CRPPA: variants seen among roughly 807,000 people sequenced by gnomAD.
The protein encoded by CRPPA is CDP-L-ribitol pyrophosphorylase A.
In CRPPA, 43 loss-of-function variants were observed where a neutral mutation model predicts 52.0. That is an observed-to-expected ratio of 0.83 (90% CI 0.65 to 1.07). The LOEUF is 1.07. CRPPA is among the 50% of genes least tolerant of loss of function. The pLI is 0.00. For synonymous variants in CRPPA, 250 were observed against 203.5 expected (o/e 1.23, Z -1.94); for missense variants, 629 against 551.7 (o/e 1.14, Z -1.40).
intron 8 of CRPPA, among the ~76,000 whole-genome samples, chr7:16,231,061 AC>A (rs1471176519): frequency 3.9e-5 from 6 of 152,100 alleles, no homozygotes; most frequent in Non-Finnish European, 2.9e-5. Flanking sequence ...TGTGGGGATC[AC>A]CCTGGTGTTG....
At chr7:16,235,060 A>G (rs959949642) in intron 8 of CRPPA, among the ~76,000 whole-genome samples, 6 of 152,056 alleles carry the variant, frequency 3.9e-5, no homozygotes, top group African/African-American at 1.2e-4. Context: ...AGGCTTTATG[A>G]TCTGAGTTTT....
intron 9 of CRPPA, among the ~76,000 whole-genome samples, chr7:16,205,331 G>A (rs1248669028): frequency 6.6e-6 from 1 of 152,164 alleles, no homozygotes; most frequent in Non-Finnish European, 1.5e-5. Context: ...TGCTGGCAAA[G>A]CCTGGTGTTC....
intron 5 of CRPPA, among the ~76,000 whole-genome samples, chr7:16,286,603 A>G (rs1266673427): frequency 1.3e-5 from 2 of 152,148 alleles, no homozygotes; most frequent in African/African-American, 2.4e-5. Flanking sequence ...ATTCTCCAAT[A>G]AGGTCCACCT....
chr7:16,202,144 G>C (rs1781874795), intron 9 of CRPPA, among the ~76,000 whole-genome samples: 1 of 152,136 alleles, frequency 6.6e-6, no homozygotes, highest in African/African-American at 2.4e-5. Flanking sequence ...AATTATTACA[G>C]TTGAATTTTT....
intron 8 of CRPPA, among the ~76,000 whole-genome samples, chr7:16,241,934 T>TA (rs1380889495): frequency 1.4e-5 from 2 of 140,812 alleles, no homozygotes; most frequent in African/African-American, 5.3e-5. Flanking sequence ...TTAATGTAGT[T>TA]AAAAATCTAT....
Position 16,091,446 on chromosome 7 carries a change from C to T in CRPPA, c.*249G>A, listed in dbSNP as rs1781835073. ...CTCTGTGGAAAGATTCATTTGAAGG[C>T]TATTATTTTCCACTTATCTACTATT... On this transcript the variant is annotated 3_prime_UTR_variant, in exon 10 of 10. Coordinates refer to ENST00000407010, the MANE Select transcript of CRPPA (RefSeq NM_001101426.4). 2.9e-6 allele frequency: 1 copy of T among 342,778 alleles called. No homozygotes were observed. The highest frequency in any genetic ancestry group is 5.3e-5 in the Admixed American group (1 of 18,808). 21.2% of individuals were successfully genotyped at this position (342,778 alleles called of 1,614,324 possible).
intron 8 of CRPPA, among the ~76,000 whole-genome samples, chr7:16,252,986 C>G (rs1326624095): frequency 2.6e-5 from 4 of 151,838 alleles, no homozygotes. Flanking sequence ...CTATTTGATT[C>G]TTCTCTCTTT....
At chr7:16,394,069 G>A (rs1431219145) in intron 2 of CRPPA, among the ~76,000 whole-genome samples, 5 of 152,090 alleles carry the variant, frequency 3.3e-5, no homozygotes, top group Non-Finnish European at 7.4e-5. Flanking sequence ...CTTCTTTTAC[G>A]TTACTGATGA....
At chr7:16,286,039 ATATAAATATATATAT>A (rs1158944938) in intron 5 of CRPPA, among the ~76,000 whole-genome samples, 894 of 23,888 alleles carry the variant, frequency 0.037, 96 homozygotes, top group Admixed American at 0.06. Context: ...AAAAAAAAAA[ATATAAATATATATAT>A]ATATATATAT....
intron 3 of CRPPA, among the ~76,000 whole-genome samples, chr7:16,336,651 GCT>G: frequency 6.6e-6 from 1 of 150,466 alleles, no homozygotes. Flanking sequence ...ATAATAATTA[GCT>G]TGAATATAAA....
At chr7:16,200,247 C>G (rs960357801) in intron 9 of CRPPA, among the ~76,000 whole-genome samples, 8 of 152,294 alleles carry the variant, frequency 5.3e-5, no homozygotes, top group Non-Finnish European at 7.4e-5. Flanking sequence ...CTCAGGAGTT[C>G]TTGTGCAAGA....
intron 9 of CRPPA, among the ~76,000 whole-genome samples, chr7:16,190,889 T>C (rs1026065828): frequency 1.4e-4 from 21 of 152,106 alleles, no homozygotes; most frequent in African/African-American, 5.1e-4. Flanking sequence ...CCCCAGTTTT[T>C]TCACATAGAA....
intron 3 of CRPPA, among the ~76,000 whole-genome samples, chr7:16,312,134 A>G (rs750300981): frequency 2.6e-5 from 4 of 152,048 alleles, no homozygotes; most frequent in Admixed American, 2.0e-4. Context: ...AAACTTTAGA[A>G]TAAGTTTGTC....
At chr7:16,250,311 A>G (rs1474589264) in intron 8 of CRPPA, among the ~76,000 whole-genome samples, 1 of 152,170 alleles carries the variant, frequency 6.6e-6, no homozygotes, top group Non-Finnish European at 1.5e-5. Context: ...CAGGATATTA[A>G]TCAGGAGAAT....
chr7:16,398,334 G>A (rs77613039), intron 2 of CRPPA, among the ~76,000 whole-genome samples: 6,072 of 150,436 alleles, frequency 0.04, 268 homozygotes, highest in African/African-American at 0.11. Flanking sequence ...TGATCAATAC[G>A]TTATCAACAC....
rs1782701312 is a variant in CRPPA at position 16,132,679 on chromosome 7, A to C, written c.1252-40880T>G. 3.2e-5 allele frequency among the ~76,000 whole-genome samples: 4 copies of C among 124,824 alleles called. 1 individual carries two copies. Among genetic ancestry groups the C allele is most frequent in the African/African-American group, 1.0e-4 (4 of 38,484 alleles). 81.9% of individuals were successfully genotyped at this position (124,824 alleles called of 152,430 possible). ...TGGGTTTACTTACATGCAAATTTTT[A>C]AAAAGGAAATTTACTGAAAATTTTT... On this transcript the variant is annotated intron_variant, in intron 9 of 9. Coordinates refer to ENST00000407010, the MANE Select transcript of CRPPA (RefSeq NM_001101426.4).
chr7:16,117,146 G>T (rs968906354), intron 9 of CRPPA, among the ~76,000 whole-genome samples: 1 of 152,146 alleles, frequency 6.6e-6, no homozygotes, highest in Non-Finnish European at 1.5e-5. Flanking sequence ...ATTTTAAAAT[G>T]GGTTAACCAT....
intron 9 of CRPPA, among the ~76,000 whole-genome samples, chr7:16,098,821 C>CA (rs1488694601): frequency 2.0e-5 from 3 of 152,118 alleles, no homozygotes; most frequent in African/African-American, 7.2e-5. Context: ...TGTCAATTGC[C>CA]AAAACTGCAG....
At chr7:16,333,135 T>A (rs553335049) in intron 3 of CRPPA, among the ~76,000 whole-genome samples, 135 of 152,262 alleles carry the variant, frequency 8.9e-4, no homozygotes, top group Admixed American at 2.1e-3. Context: ...GATAGATGTG[T>A]AAAATAACTA....
Sources: allele counts gnomAD v4.1 joint callset (sites outside exome capture counted in the v4.1 genomes callset), GRCh38; gene constraint gnomAD v4.1.1; transcripts MANE v1.5; gene names NCBI Gene and HGNC (gene_info 2026-07-23, HGNC 2026-07-21).